EXTL3: variants seen among roughly 807,000 people sequenced by gnomAD.
The protein encoded by EXTL3 is exostosin-like 3.
A neutral mutation model predicts 69.3 loss-of-function variants in EXTL3; 27 were observed. The ratio of observed to expected loss-of-function variants is 0.39; its 90% CI spans 0.29 to 0.54. The LOEUF is 0.54. EXTL3 is among the 20% of genes least tolerant of loss of function. EXTL3 has a pLI of 0.69. For synonymous variants in EXTL3, 511 were observed against 499.4 expected (o/e 1.02, Z -0.31); for missense variants, 1,003 against 1,231.8 (o/e 0.81, Z 2.78).
chr8:28,689,188 CA>C (rs1800571781), intron 1 of EXTL3, among the ~76,000 whole-genome samples: 1 of 152,220 alleles, frequency 6.6e-6, no homozygotes, highest in African/African-American at 2.4e-5. Context: ...AATTCTCCCC[CA>C]AATCACTCAC....
At chr8:28,643,308 T>G (rs534781721) in intron 1 of EXTL3, among the ~76,000 whole-genome samples, 1 of 152,274 alleles carries the variant, frequency 6.6e-6, no homozygotes, top group East Asian at 1.9e-4. Flanking sequence ...AAGAACATAA[T>G]GGCTTGTCTT....
chr8:28,659,063 A>G (rs1475686850), intron 1 of EXTL3, among the ~76,000 whole-genome samples: 1 of 152,252 alleles, frequency 6.6e-6, no homozygotes, highest in African/African-American at 2.4e-5. Flanking sequence ...ATAAATTCCC[A>G]GAAGTTAAAT....
rs1233293688 is a variant in EXTL3 at position 28,737,798 on chromosome 8, A to G, written c.2421+135A>G. 14 of 1,016,116 alleles carry G rather than the reference A, an allele frequency of 1.4e-5. No homozygotes were observed. In the Middle Eastern group the frequency reaches 8.6e-4, roughly 63 times the overall value. 62.9% of individuals were successfully genotyped at this position (1,016,116 alleles called of 1,614,324 possible). A position where few individuals can be genotyped will look rare whatever the true frequency, so the allele number is the denominator to read the frequency against. On this transcript the variant is annotated intron_variant, in intron 5 of 6. Coordinates refer to ENST00000220562, the MANE Select transcript of EXTL3 (RefSeq NM_001440.4). ...TTTGTGCTAGAAGTCAGTTTTTTCT[A>G]TTTTTACAGACAATGATCAAGATGC...
At chr8:28,657,361 A>G (rs1278534873) in intron 1 of EXTL3, among the ~76,000 whole-genome samples, 3 of 152,226 alleles carry the variant, frequency 2.0e-5, no homozygotes, top group African/African-American at 7.2e-5. Context: ...TGCACTGAGT[A>G]ACGCAGTCAT....
chr8:28,638,654 G>A (rs1419353171), intron 1 of EXTL3, among the ~76,000 whole-genome samples: 2 of 152,056 alleles, frequency 1.3e-5, no homozygotes, highest in Non-Finnish European at 1.5e-5. Flanking sequence ...TTTTTGAGAC[G>A]GAGTTTTGCT....
chr8:28,673,267 C>T (rs979075999), intron 1 of EXTL3, among the ~76,000 whole-genome samples: 3 of 152,200 alleles, frequency 2.0e-5, no homozygotes, highest in African/African-American at 7.2e-5. Flanking sequence ...TTTTATCTGT[C>T]AACTTGACTA....
At chr8:28,731,913 A>G (rs891230654) in intron 4 of EXTL3, among the ~76,000 whole-genome samples, 1 of 152,160 alleles carries the variant, frequency 6.6e-6, no homozygotes, top group African/African-American at 2.4e-5. Context: ...TGGTAAACAT[A>G]TGTTGAACCC....
upstream of EXTL3, chr8:28,700,387 A>G (rs573437182): frequency 2.6e-4 from 40 of 152,264 alleles, no homozygotes; most frequent in African/African-American, 9.6e-4. Flanking sequence ...TTGTTTTGCA[A>G]ACGTTATCCT....
At chr8:28,620,829 G>A (rs563205052), upstream of EXTL3, among the ~76,000 whole-genome samples, 9 of 152,198 alleles carry the variant, frequency 5.9e-5, no homozygotes, top group African/African-American at 1.7e-4. Context: ...TGATCCTCCT[G>A]CCTCAGCCTA....
intron 1 of EXTL3, among the ~76,000 whole-genome samples, chr8:28,633,873 C>T (rs1806612038): frequency 6.6e-6 from 1 of 152,104 alleles, no homozygotes; most frequent in African/African-American, 2.4e-5. Flanking sequence ...TTCGCTGATC[C>T]CTGATTTAGA....
intron 1 of EXTL3, among the ~76,000 whole-genome samples, chr8:28,647,796 G>A (rs1299518914): frequency 1.3e-5 from 2 of 152,048 alleles, no homozygotes; most frequent in Non-Finnish European, 2.9e-5. Context: ...ATCGGAGAAG[G>A]CATAAATGAC....
chr8:28,695,162 T>C (rs1355822001), intron 1 of EXTL3, among the ~76,000 whole-genome samples: 2 of 148,420 alleles, frequency 1.3e-5, no homozygotes, highest in Non-Finnish European at 3.0e-5. Flanking sequence ...GGAGTTTTGC[T>C]CTTGTCACTC....
upstream of EXTL3, among the ~76,000 whole-genome samples, chr8:28,622,086 T>G (rs2130543257): frequency 6.6e-6 from 1 of 152,344 alleles, no homozygotes; most frequent in East Asian, 1.9e-4. Context: ...TTCTCTAGAC[T>G]GAGCTGACCT....
chr8:28,635,375 T>C (rs1806636100), intron 1 of EXTL3, among the ~76,000 whole-genome samples: 1 of 113,348 alleles, frequency 8.8e-6, no homozygotes, highest in African/African-American at 3.5e-5. Context: ...CTGGGCAACA[T>C]AGCAAGACTG....
At chr8:28,610,744 CTTTT>C (rs35188606) in intron 2 of EXTL3, among the ~76,000 whole-genome samples, 99 of 138,088 alleles carry the variant, frequency 7.2e-4, no homozygotes, top group Admixed American at 5.8e-4. Flanking sequence ...AGATCTGTTT[CTTTT>C]TTTTTTTTTT....
chr8:28,706,696 G>C (rs1481273551), intron 1 of EXTL3, among the ~76,000 whole-genome samples: 1 of 152,138 alleles, frequency 6.6e-6, no homozygotes, highest in Non-Finnish European at 1.5e-5. Context: ...TTGATCGCTA[G>C]GAAGGTTAAA....
intron 1 of EXTL3, among the ~76,000 whole-genome samples, chr8:28,682,704 A>G (rs979797765): frequency 6.6e-6 from 1 of 152,190 alleles, no homozygotes; most frequent in Non-Finnish European, 1.5e-5. Context: ...TTGGCCTCCC[A>G]AAGTGCTGGG....
chr8:28,611,281 T>G (rs1284766978), intron 2 of EXTL3, among the ~76,000 whole-genome samples: 1 of 152,142 alleles, frequency 6.6e-6, no homozygotes, highest in Non-Finnish European at 1.5e-5. Flanking sequence ...TGAGACCTCA[T>G]CTTTACAAAA....
intron 5 of EXTL3, chr8:28,742,091 G>A (rs1229627729): frequency 6.6e-6 from 1 of 152,136 alleles, no homozygotes; most frequent in East Asian, 1.9e-4. Flanking sequence ...ACTGAACACG[G>A]ATTTGGGAAG....
Sources: gnomAD v4.1 joint callset for allele counts (sites outside exome capture counted in the v4.1 genomes callset) on GRCh38, gnomAD v4.1.1 for gene constraint, MANE v1.5 for transcripts, NCBI Gene and HGNC (gene_info 2026-07-23, HGNC 2026-07-21) for gene names.